Variants in TGFBR2 observed in about 807,000 individuals in gnomAD.
TGFBR2 encodes the protein transforming growth factor beta receptor 2, also known as TGF-beta receptor type-2.
In TGFBR2, 18 loss-of-function variants were observed where a neutral mutation model predicts 49.0. The observed-to-expected ratio is 0.37, with a 90% CI of 0.25 to 0.54. The LOEUF is 0.54. TGFBR2 is among the 20% of genes least tolerant of loss of function. TGFBR2 has a pLI of 0.85. For missense variants in TGFBR2, 525 were observed against 722.6 expected, an observed-to-expected ratio of 0.73 and a Z score of 3.13; for synonymous variants, 282 against 275.9, an observed-to-expected ratio of 1.02 and a Z score of -0.22.
At chr3:30,651,746 T>C (rs180758760) in intron 3 of TGFBR2, among the ~76,000 whole-genome samples, 1 of 152,336 alleles carries the variant, frequency 6.6e-6, no homozygotes, top group African/African-American at 2.4e-5. Flanking sequence ...ATATGTGTAT[T>C]TTAAATTTGA....
intron 1 of TGFBR2, among the ~76,000 whole-genome samples, chr3:30,607,569 T>C (rs1014802367): frequency 6.6e-6 from 1 of 152,046 alleles, no homozygotes; most frequent in Non-Finnish European, 1.5e-5. Context: ...CGCCTTGGCA[T>C]GGATGGATAG....
intron 6 of TGFBR2, among the ~76,000 whole-genome samples, chr3:30,691,172 C>G (rs150353621): frequency 2.6e-5 from 4 of 152,284 alleles, no homozygotes; most frequent in African/African-American, 9.6e-5. Context: ...CTATTGTGAT[C>G]AGATAGCACC....
At chr3:30,680,769 G>A (rs1210155772) in intron 5 of TGFBR2, among the ~76,000 whole-genome samples, 1 of 152,180 alleles carries the variant, frequency 6.6e-6, no homozygotes, top group African/African-American at 2.4e-5. Flanking sequence ...GTGTGTTACT[G>A]TTCTACGAAA....
intron 1 of TGFBR2, among the ~76,000 whole-genome samples, chr3:30,623,540 T>G (rs372790436): frequency 6.6e-6 from 1 of 152,234 alleles, no homozygotes; most frequent in Non-Finnish European, 1.5e-5. Context: ...AACTATGTAA[T>G]GAGTCATTTT....
intron 5 of TGFBR2, among the ~76,000 whole-genome samples, chr3:30,681,195 A>T (rs1039756051): frequency 4.6e-5 from 7 of 151,216 alleles, no homozygotes; most frequent in African/African-American, 1.7e-4. Flanking sequence ...CAAATGAACC[A>T]AAAAGAAAGG....
Position 30,627,255 on chromosome 3 carries a change from C to G in TGFBR2, c.95-17492C>G, listed in dbSNP as rs148728094. 3.7e-4 allele frequency among the ~76,000 whole-genome samples: 57 copies of G among 152,158 alleles called. No individual in the cohort carries two copies. The East Asian group carries it at 8.7e-3, about 23-fold the overall frequency. On this transcript the variant is annotated intron_variant, in intron 1 of 6. Transcript: ENST00000295754. Reference sequence around the variant, plus strand: ...ATAAATTTATTAATTTTGGAAAATGCCTTCTTTTTCCTAGGCCTCCCTCAT... The same window carrying G: ...ATAAATTTATTAATTTTGGAAAATGGCTTCTTTTTCCTAGGCCTCCCTCAT...
At chr3:30,634,614 C>T (rs1044544272) in intron 1 of TGFBR2, among the ~76,000 whole-genome samples, 2 of 152,132 alleles carry the variant, frequency 1.3e-5, no homozygotes, top group East Asian at 1.9e-4. Flanking sequence ...TGTAAAACTC[C>T]GTCAGTCGTG....
intron 6 of TGFBR2, among the ~76,000 whole-genome samples, chr3:30,690,899 C>T (rs11466528): frequency 0.023 from 3,436 of 152,194 alleles, 158 homozygotes; most frequent in African/African-American, 0.079. Flanking sequence ...GATAATGATA[C>T]GTCAGTGTTA....
chr3:30,644,614 A>T (rs1007721263), intron 1 of TGFBR2, 133 bp from the exon 2 acceptor site: 20 of 814,888 alleles, frequency 2.5e-5, no homozygotes, highest in Non-Finnish European at 3.7e-5. Flanking sequence ...GATGTGAAGG[A>T]ATTATTTTGC....
At chr3:30,643,670 T>C (rs1453421670) in intron 1 of TGFBR2, among the ~76,000 whole-genome samples, 1 of 152,208 alleles carries the variant, frequency 6.6e-6, no homozygotes, top group Non-Finnish European at 1.5e-5. Flanking sequence ...CCAATAAACA[T>C]TTTTGTATGC....
intron 5 of TGFBR2, among the ~76,000 whole-genome samples, chr3:30,679,158 A>G (rs1246471632): frequency 6.6e-6 from 1 of 152,190 alleles, no homozygotes; most frequent in African/African-American, 2.4e-5. Context: ...GTCTGTTTTT[A>G]ACAGGCAAGT....
chr3:30,669,347 C>T (rs1699300336), intron 3 of TGFBR2, among the ~76,000 whole-genome samples: 1 of 151,782 alleles, frequency 6.6e-6, no homozygotes, highest in Non-Finnish European at 1.5e-5. Flanking sequence ...CATCATGAGC[C>T]AGGAAAATTT....
At chr3:30,677,188 C>T (rs1213663992) in intron 5 of TGFBR2, among the ~76,000 whole-genome samples, 1 of 152,106 alleles carries the variant, frequency 6.6e-6, no homozygotes, top group East Asian at 1.9e-4. Context: ...AAAACCCTTG[C>T]CTGTTGATAT....
Position 30,622,036 on chromosome 3 carries a change from A to G in TGFBR2, c.94+15059A>G, listed in dbSNP as rs150303423. 1.9e-4 allele frequency among the ~76,000 whole-genome samples: 29 copies of G among 152,284 alleles called. No homozygotes were observed. The East Asian group carries it at 5.4e-3, about 28-fold the overall frequency. On this transcript the variant is annotated intron_variant, in intron 1 of 6. Transcript: ENST00000295754. ...AGTCAAAACAATTTTGTTCTTCCTT[A>G]TGTCTTTCTTCAGAGGTACATCTTT...
intron 6 of TGFBR2, among the ~76,000 whole-genome samples, chr3:30,690,752 A>G (rs1410821473): frequency 1.3e-5 from 2 of 152,198 alleles, no homozygotes; most frequent in African/African-American, 2.4e-5. Flanking sequence ...GAATAAGTGG[A>G]ATGCAGGGAA....
chr3:30,616,006 G>C (rs1199333033), intron 1 of TGFBR2, among the ~76,000 whole-genome samples: 2 of 152,124 alleles, frequency 1.3e-5, no homozygotes, highest in East Asian at 1.9e-4. Flanking sequence ...GCCTCCCAAA[G>C]TGTTAGGATT....
At chr3:30,680,782 G>T (rs1699526421) in intron 5 of TGFBR2, among the ~76,000 whole-genome samples, 1 of 152,146 alleles carries the variant, frequency 6.6e-6, no homozygotes. Flanking sequence ...CTACGAAAAA[G>T]GAGAAAAAGC....
chr3:30,617,034 G>T (rs1198858249), intron 1 of TGFBR2, among the ~76,000 whole-genome samples: 1 of 151,622 alleles, frequency 6.6e-6, no homozygotes, highest in African/African-American at 2.4e-5. Context: ...GAAATGCTTT[G>T]CTATGCCTAG....
At chr3:30,668,956 C>T (rs535775138) in intron 3 of TGFBR2, among the ~76,000 whole-genome samples, 6 of 151,992 alleles carry the variant, frequency 3.9e-5, no homozygotes, top group African/African-American at 1.4e-4. Context: ...GTACCAGCTT[C>T]ATTTCTCACT....
Sources: gnomAD v4.1 joint callset for allele counts (sites outside exome capture counted in the v4.1 genomes callset) on GRCh38, gnomAD v4.1.1 for gene constraint, MANE v1.5 for transcripts, NCBI Gene and HGNC (gene_info 2026-07-23, HGNC 2026-07-21) for gene names.